Variants in CERS1 observed in about 807,000 individuals in gnomAD.
The protein encoded by CERS1 is Embryonic growth/differentiation factor 1.
CERS1 carries 16 observed loss-of-function variants against 35.7 expected under a neutral mutation model. The observed-to-expected ratio is 0.45, with a 90% CI of 0.30 to 0.68. The LOEUF (loss-of-function observed/expected upper bound fraction) is 0.68, where lower values mean the gene tolerates loss of function less well. Ranked by LOEUF, CERS1 falls within the 30% of genes least tolerant of loss-of-function variation. CERS1 has a pLI of 0.08. For synonymous variants in CERS1, 243 were observed against 201.6 expected, an observed-to-expected ratio of 1.21 and a Z score of -1.74; for missense variants, 454 against 453.9, an observed-to-expected ratio of 1.00 and a Z score of 0.00.
rs1304123833 is a variant in CERS1 at position 18,896,138 on chromosome 19, C to T, written c.-66G>A. 6 of 622,244 alleles carry T rather than the reference C, an allele frequency of 9.6e-6. No individual in the cohort carries two copies. The highest frequency in any genetic ancestry group is 1.4e-4 in the South Asian group (2 of 14,304). The allele number at this position is 622,244 out of a possible 1,614,324, so 38.5% of individuals were successfully genotyped here. On this transcript the variant is annotated 5_prime_UTR_variant, in exon 1 of 8. Transcript: ENST00000623882. The surrounding 1 kb of genome is among the most constrained non-coding windows in gnomAD (Gnocchi z 5.9). Reference sequence around the variant, plus strand: ...CGCGGTAGCCGACGGAGCCGCGCGCCCCGCGTCACGCGCCGCAGCTGGGCC... The same window carrying T: ...CGCGGTAGCCGACGGAGCCGCGCGCTCCGCGTCACGCGCCGCAGCTGGGCC...
chr19:18,892,430 C>T (rs1480959149), intron 2 of CERS1, among the ~76,000 whole-genome samples: 2 of 151,746 alleles, frequency 1.3e-5, no homozygotes, highest in African/African-American at 2.4e-5. Flanking sequence ...CTGGCTAACA[C>T]GGTGAAACCC....
At position 18,869,186 on chromosome 19, in the gene CERS1, T is replaced by TCCGCGC. The variant is rs1296372173; in HGVS notation, c.*793_*798dup. The TCCGCGC allele has an allele frequency of 1.5e-5, 18 of 1,173,868 alleles. No individual in the cohort carries two copies. Among genetic ancestry groups the TCCGCGC allele is most frequent in the Middle Eastern group, 3.6e-4 (1 of 2,814 alleles). The allele number at this position is 1,173,868 out of a possible 1,614,324, so 72.7% of individuals were successfully genotyped here. Reference sequence around the variant, plus strand: ...CTGGCGGAGCAGCACCGGCCCGGGGTCCGCGCCCGCGCCCTGGCCCGCTTG... The same window carrying TCCGCGC: ...CTGGCGGAGCAGCACCGGCCCGGGGTCCGCGCCCGCGCCCGCGCCCTGGCCCGCTTG... On this transcript the variant is annotated 3_prime_UTR_variant, in exon 8 of 8. Transcript: ENST00000623882.
At chr19:18,873,789 C>T (rs1273218005) in intron 6 of CERS1, among the ~76,000 whole-genome samples, 3 of 148,648 alleles carry the variant, frequency 2.0e-5, no homozygotes, top group Admixed American at 6.7e-5. Context: ...TGCAGTGAGC[C>T]GAGATCTCAC....
At chr19:18,874,577 C>A (rs920612320) in intron 6 of CERS1, among the ~76,000 whole-genome samples, 1 of 152,234 alleles carries the variant, frequency 6.6e-6, no homozygotes, top group Non-Finnish European at 1.5e-5. Flanking sequence ...GTGAGAGTGT[C>A]TCAACGGATG....
chr19:18,885,952 C>T (rs2056346314), intron 2 of CERS1, among the ~76,000 whole-genome samples: 1 of 152,192 alleles, frequency 6.6e-6, no homozygotes, highest in South Asian at 2.1e-4. Context: ...AGCGCAGGGT[C>T]TCCCGCCAAG....
At chr19:18,883,672 G>A (rs987789847) in intron 3 of CERS1, among the ~76,000 whole-genome samples, 2 of 152,218 alleles carry the variant, frequency 1.3e-5, no homozygotes, top group Non-Finnish European at 2.9e-5. Flanking sequence ...GCTCACTGAC[G>A]GCTGTGGTTG....
rs532379408 is a variant in CERS1 at position 18,893,933 on chromosome 19, A to G, written c.250-358T>C. 1.5e-3 allele frequency among the ~76,000 whole-genome samples: 216 copies of G among 144,158 alleles called. 1 individual carries two copies. Among genetic ancestry groups the G allele is most frequent in the Non-Finnish European group, 1.5e-3 (101 of 66,014 alleles). 94.6% of individuals were successfully genotyped at this position (144,158 alleles called of 152,430 possible). A position where few individuals can be genotyped will look rare whatever the true frequency, so the allele number is the denominator to read the frequency against. On this transcript the variant is annotated intron_variant, in intron 1 of 7. Transcript: ENST00000623882. ...GGTGGGGGTGACCCTTGAAGGGAAC[A>G]TGGAGGGGGTTATATGGGGGCATCT... is the stretch of plus-strand genomic sequence containing the variant.
upstream of CERS1, among the ~76,000 whole-genome samples, chr19:18,896,927 G>T (rs576267000): frequency 1.2e-4 from 19 of 152,062 alleles, no homozygotes; most frequent in African/African-American, 4.3e-4. The surrounding 1 kb of genome is among the most constrained non-coding windows in gnomAD (Gnocchi z 5.9). Flanking sequence ...GGGAACCCGG[G>T]GGGGGGGCTC....
At chr19:18,888,192 T>C (rs1272151156) in intron 2 of CERS1, among the ~76,000 whole-genome samples, 1 of 151,788 alleles carries the variant, frequency 6.6e-6, no homozygotes, top group African/African-American at 2.4e-5. Context: ...AAACCCCAGC[T>C]CTACTAAAAT....
In CERS1 at chr19:18,870,320, C is replaced by G; in HGVS notation, c.*257G>C. ...GCGGCGGTGGCATCTTCCTCCCAGG[C>G]GATGACCAGAGAGTGCGCAGGGTCC... On this transcript the variant is annotated 3_prime_UTR_variant, in exon 7 of 8. Coordinates refer to ENST00000623882, the MANE Select transcript of CERS1 (RefSeq NM_021267.5). This position sits in a 1 kb window ranked among gnomAD's most constrained non-coding sequence, Gnocchi z 5.1. 1 of 1,544,962 alleles carries G rather than the reference C, an allele frequency of 6.5e-7. No homozygotes were observed. Among genetic ancestry groups the G allele is most frequent in the Non-Finnish European group, 8.7e-7 (1 of 1,146,336 alleles).
chr19:18,883,572 T>A (rs1249977015), intron 3 of CERS1, among the ~76,000 whole-genome samples: 2 of 152,090 alleles, frequency 1.3e-5, no homozygotes, highest in Non-Finnish European at 2.9e-5. Flanking sequence ...GTGGATAAGA[T>A]ATTTTCACTC....
chr19:18,892,475 G>A (rs887980769), intron 2 of CERS1, among the ~76,000 whole-genome samples: 24 of 151,940 alleles, frequency 1.6e-4, no homozygotes, highest in African/African-American at 5.3e-4. Flanking sequence ...TTAGCCGGGC[G>A]TGGTGGCGGG....
Position 18,870,968 on chromosome 19 carries a change from A to C in CERS1, c.1011-349T>G, listed in dbSNP as rs2055959040. ...TGGGCCTGACAACTCCACCGCCTCC[A>C]CAGTGGGACCCTGCACATCCTCCTC... On this transcript the variant is annotated intron_variant, in intron 6 of 7. Coordinates refer to ENST00000623882, the MANE Select transcript of CERS1 (RefSeq NM_021267.5). This position sits in a 1 kb window ranked among gnomAD's most constrained non-coding sequence, Gnocchi z 5.1. 6.6e-6 allele frequency among the ~76,000 whole-genome samples: 1 copy of C among 151,948 alleles called. No homozygotes were observed. The highest frequency in any genetic ancestry group is 2.4e-5 in the African/African-American group (1 of 41,338).
chr19:18,895,688 C>T lies in CERS1; in HGVS notation c.249+136G>A, dbSNP rs1205954719. 1.1e-5 allele frequency: 4 copies of T among 370,986 alleles called. No individual in the cohort carries two copies. The highest frequency in any genetic ancestry group is 1.7e-5 in the Non-Finnish European group (4 of 235,330). The allele number at this position is 370,986 out of a possible 1,614,324, so 23.0% of individuals were successfully genotyped here. A position where few individuals can be genotyped will look rare whatever the true frequency, so the allele number is the denominator to read the frequency against. On this transcript the variant is annotated intron_variant, in intron 1 of 7. Coordinates refer to ENST00000623882, the MANE Select transcript of CERS1 (RefSeq NM_021267.5). The surrounding 1 kb of genome is among the most constrained non-coding windows in gnomAD (Gnocchi z 6.4). ...TCCTGGGCCTCTCCAGCCCGAGGCC[C>T]CCACCCACGTTCCGGCGACCCCTTC... is the stretch of plus-strand genomic sequence containing the variant.
Position 18,886,617 on chromosome 19 carries a change from C to T in CERS1, c.410-2350G>A, listed in dbSNP as rs1000744427. 4.6e-5 allele frequency among the ~76,000 whole-genome samples: 7 copies of T among 152,176 alleles called. No homozygotes were observed. In the East Asian group the frequency reaches 5.8e-4, roughly 13 times the overall value. On this transcript the variant is annotated intron_variant, in intron 2 of 7. Transcript: ENST00000623882. ...GCGGGAAGCCATGCTGTGCTCTGCC[C>T]ACACCAACCTGGAACTCTCTGGGTT...
chr19:18,893,938 G>A (rs1157446580), intron 1 of CERS1, among the ~76,000 whole-genome samples: 15 of 151,570 alleles, frequency 9.9e-5, no homozygotes, highest in Admixed American at 3.3e-4. Flanking sequence ...GGAACATGGA[G>A]GGGGTTATAT....
chr19:18,877,938 T>G, intron 6 of CERS1: 4 of 978,524 alleles, frequency 4.1e-6, no homozygotes, highest in Non-Finnish European at 4.9e-6. Flanking sequence ...CTTTTATTTC[T>G]GTTTCATCTA....
intron 3 of CERS1, 71 bp from the exon 4 acceptor site, chr19:18,880,506 C>T: frequency 2.1e-6 from 3 of 1,431,708 alleles, no homozygotes; most frequent in South Asian, 1.4e-5. Flanking sequence ...CTAAGGCCCC[C>T]AGCAGAGTCC....
chr19:18,879,935 C>T (rs2056160688), intron 4 of CERS1, among the ~76,000 whole-genome samples: 1 of 151,774 alleles, frequency 6.6e-6, no homozygotes, highest in South Asian at 2.1e-4. Context: ...TGGCCCCACC[C>T]CTGGCTTGCT....
Sources: allele counts gnomAD v4.1 joint callset (sites outside exome capture counted in the v4.1 genomes callset), GRCh38; gene constraint gnomAD v4.1.1; non-coding constraint Gnocchi (gnomAD v3.1); transcripts MANE v1.5; gene names NCBI Gene and HGNC (gene_info 2026-07-23, HGNC 2026-07-21).